Variants in PDLIM1 observed in about 807,000 individuals in gnomAD.
PDLIM1 encodes the protein PDZ and LIM domain 1.
In PDLIM1, 25 loss-of-function variants were observed where a neutral mutation model predicts 35.2. The observed-to-expected ratio is 0.71, with a 90% CI of 0.52 to 0.99. PDLIM1 has a LOEUF of 0.99. Ranked by LOEUF, PDLIM1 falls within the 50% of genes least tolerant of loss-of-function variation. The probability of loss-of-function intolerance (pLI) is 0.00; values close to 1 mark genes in which losing one functional copy is unlikely to be tolerated. For synonymous variants in PDLIM1, 152 were observed against 154.0 expected, an observed-to-expected ratio of 0.99 and a Z score of 0.10; for missense variants, 363 against 415.3, an observed-to-expected ratio of 0.87 and a Z score of 1.09.
In PDLIM1 at chr10:95,263,106, C is replaced by T. The variant is rs45555741; in HGVS notation, c.533+758G>A. Among the ~76,000 whole-genome samples the T allele has an allele frequency of 9.0e-3, 1,345 of 150,182 alleles. 29 individuals are homozygous for T. The highest frequency in any genetic ancestry group is 0.031 in the African/African-American group (1,278 of 40,856). On this transcript the variant is annotated intron_variant, in intron 4 of 6. Coordinates refer to ENST00000329399, the MANE Select transcript of PDLIM1 (RefSeq NM_020992.4). ...GCTGCAGTGAGCTGTGATCAAACCA[C>T]TGTACTCCAGCCTGGGTGACAGAGC...
At chr10:95,255,437 C>A (rs1306773057) in intron 4 of PDLIM1, among the ~76,000 whole-genome samples, 1 of 151,616 alleles carries the variant, frequency 6.6e-6, no homozygotes, top group Non-Finnish European at 1.5e-5. Flanking sequence ...GGATTAAACA[C>A]CATGACCAAG....
chr10:95,284,132 G>A (rs983197955), intron 1 of PDLIM1, among the ~76,000 whole-genome samples: 5 of 151,882 alleles, frequency 3.3e-5, no homozygotes, highest in African/African-American at 4.8e-5. Flanking sequence ...CATGTGAATC[G>A]TTTCAAATTT....
chr10:95,265,093 GTCTC>G (rs2035400849), intron 3 of PDLIM1, among the ~76,000 whole-genome samples: 1 of 151,978 alleles, frequency 6.6e-6, no homozygotes, highest in African/African-American at 2.4e-5. Flanking sequence ...CTGAACTCTA[GTCTC>G]TTTCTTAAAA....
intron 2 of PDLIM1, 46 bp from the exon 3 acceptor site, chr10:95,268,908 TAATA>T (rs764312047): frequency 7.4e-7 from 1 of 1,347,072 alleles, no homozygotes; most frequent in Non-Finnish European, 1.1e-6. Context: ...GTAAAATAAA[TAATA>T]TATACCAAAG....
Position 95,290,919 on chromosome 10 carries a change from GC to G in PDLIM1, c.-5del. On this transcript the variant is annotated 5_prime_UTR_variant, in exon 1 of 7. Coordinates refer to ENST00000329399, the MANE Select transcript of PDLIM1 (RefSeq NM_020992.4). This position sits in a 1 kb window ranked among gnomAD's most constrained non-coding sequence, Gnocchi z 4.7. ...GGTCTATCTGCTGGGTGGTCATGGC[GC>G]GGCTGTGGCGGGCGACGACCCGCGG... The G allele has an allele frequency of 6.5e-7, 1 of 1,538,192 alleles. No homozygotes were observed. Among genetic ancestry groups the G allele is most frequent in the Non-Finnish European group, 8.8e-7 (1 of 1,139,390 alleles).
chr10:95,270,221 T>C (rs1269235813), intron 2 of PDLIM1, among the ~76,000 whole-genome samples: 1 of 152,100 alleles, frequency 6.6e-6, no homozygotes, highest in Non-Finnish European at 1.5e-5. Flanking sequence ...AGATGTGCTT[T>C]TGAGGGGGTA....
At chr10:95,263,784 C>T in intron 4 of PDLIM1, 80 bp downstream of exon 4, 1 of 1,078,096 alleles carries the variant, frequency 9.3e-7, no homozygotes, top group South Asian at 1.6e-5. Context: ...GTGGCTCTTG[C>T]ACCTGCCTGG....
chr10:95,245,250 C>T (rs1008641335), intron 5 of PDLIM1, among the ~76,000 whole-genome samples: 32 of 152,182 alleles, frequency 2.1e-4, no homozygotes, highest in African/African-American at 7.5e-4. Context: ...AGAAAGCTGG[C>T]TCATCTGAAA....
intron 4 of PDLIM1, among the ~76,000 whole-genome samples, chr10:95,254,930 A>G (rs550414773): frequency 5.9e-5 from 9 of 152,036 alleles, no homozygotes; most frequent in South Asian, 4.2e-4. Context: ...AAGTAAGTAA[A>G]TAAATAAATA....
chr10:95,238,221 GAA>G, intron 6 of PDLIM1, 110 bp from the exon 7 acceptor site: 6 of 964,856 alleles, frequency 6.2e-6, no homozygotes, highest in Non-Finnish European at 9.2e-6. Context: ...TTCTCCCCAG[GAA>G]CCCATCACAG....
chr10:95,252,563 G>C (rs879378626), intron 4 of PDLIM1, among the ~76,000 whole-genome samples: 6 of 152,144 alleles, frequency 3.9e-5, no homozygotes, highest in African/African-American at 1.2e-4. Context: ...AGACAATAAA[G>C]AGATGCCAAC....
intron 5 of PDLIM1, among the ~76,000 whole-genome samples, chr10:95,242,071 A>G (rs1379159598): frequency 2.6e-5 from 4 of 152,176 alleles, no homozygotes; most frequent in South Asian, 4.1e-4. Context: ...CGATGCACAC[A>G]GATGTCCACC....
At chr10:95,238,191 C>T in intron 6 of PDLIM1, 80 bp from the exon 7 acceptor site, 1 of 1,296,988 alleles carries the variant, frequency 7.7e-7, no homozygotes, top group South Asian at 1.4e-5. Flanking sequence ...CACCATCCTT[C>T]CTGAGCAGGG....
chr10:95,268,554 G>T (rs1476087226), intron 3 of PDLIM1, among the ~76,000 whole-genome samples: 1 of 152,180 alleles, frequency 6.6e-6, no homozygotes, highest in African/African-American at 2.4e-5. Flanking sequence ...CCGACCCCCT[G>T]CTTCCAGCCC....
At position 95,270,809 on chromosome 10, in the gene PDLIM1, G is replaced by A. The variant is rs2035458985; in HGVS notation, c.248+824C>T. On this transcript the variant is annotated intron_variant, in intron 2 of 6. Transcript: ENST00000329399. ...TCTGTCGCCCAGGCTGGAGTGCAGT[G>A]ACGCCATCTCAGCTCACTGCAAACT... 1.3e-5 allele frequency among the ~76,000 whole-genome samples: 2 copies of A among 151,916 alleles called. 1 individual carries two copies. The highest frequency in any genetic ancestry group is 4.2e-4 in the South Asian group (2 of 4,816).
Position 95,237,747 on chromosome 10 carries a change from G to C in PDLIM1, c.*178C>G. On this transcript the variant is annotated 3_prime_UTR_variant, in exon 7 of 7. Coordinates refer to ENST00000329399, the MANE Select transcript of PDLIM1 (RefSeq NM_020992.4). ...AAACAGTTTTCCTTTAATTGTAAAAGCGGGCATCGCACAGCTGGTGTGAGT... is the reference window on the plus strand; with the variant it reads ...AAACAGTTTTCCTTTAATTGTAAAACCGGGCATCGCACAGCTGGTGTGAGT... 1 of 580,346 alleles carries C rather than the reference G, an allele frequency of 1.7e-6. No individual in the cohort carries two copies. The highest frequency in any genetic ancestry group is 3.0e-6 in the Non-Finnish European group (1 of 328,002). 35.9% of individuals were successfully genotyped at this position (580,346 alleles called of 1,614,324 possible). A position where few individuals can be genotyped will look rare whatever the true frequency, so the allele number is the denominator to read the frequency against.
chr10:95,245,251 T>G (rs1332025019), intron 5 of PDLIM1, among the ~76,000 whole-genome samples: 1 of 152,208 alleles, frequency 6.6e-6, no homozygotes, highest in Non-Finnish European at 1.5e-5. Context: ...GAAAGCTGGC[T>G]CATCTGAAAT....
At chr10:95,255,746 C>A (rs559525820) in intron 4 of PDLIM1, among the ~76,000 whole-genome samples, 1 of 152,260 alleles carries the variant, frequency 6.6e-6, no homozygotes, top group Admixed American at 6.5e-5. Context: ...ACTTTTACCA[C>A]CTCTTTTCAA....
chr10:95,269,718 T>G (rs928855653), intron 2 of PDLIM1, among the ~76,000 whole-genome samples: 1 of 152,086 alleles, frequency 6.6e-6, no homozygotes, highest in African/African-American at 2.4e-5. Context: ...ATATTTATAC[T>G]TATCTTTATT....
Sources: gnomAD v4.1 joint callset for allele counts (sites outside exome capture counted in the v4.1 genomes callset) on GRCh38, gnomAD v4.1.1 for gene constraint, Gnocchi (gnomAD v3.1) non-coding constraint, MANE v1.5 for transcripts, NCBI Gene and HGNC (gene_info 2026-07-23, HGNC 2026-07-21) for gene names.